NFX1: variants seen among roughly 807,000 people sequenced by gnomAD.
NFX1 encodes nuclear transcription factor, X-box binding 1.
NFX1 carries 69 observed loss-of-function variants against 137.2 expected under a neutral mutation model. The observed-to-expected ratio is 0.50, with a 90% CI of 0.41 to 0.61. The LOEUF (loss-of-function observed/expected upper bound fraction) is 0.61. NFX1 is among the 20% of genes least tolerant of loss of function. The pLI is 0.00. For missense variants in NFX1, 1,167 were observed against 1,391.0 expected (o/e 0.84, Z 2.56); for synonymous variants, 495 against 474.1 (o/e 1.04, Z -0.57).
chr9:33,315,733 A>AG (rs1210344500), intron 7 of NFX1, among the ~76,000 whole-genome samples: 7 of 151,608 alleles, frequency 4.6e-5, no homozygotes, highest in Non-Finnish European at 8.8e-5. Flanking sequence ...ACAACAACAA[A>AG]AAAAAAAAAT....
At chr9:33,340,024 G>C (rs1283448148) in intron 12 of NFX1, among the ~76,000 whole-genome samples, 2 of 152,222 alleles carry the variant, frequency 1.3e-5, no homozygotes, top group Non-Finnish European at 2.9e-5. Context: ...AGTGCAAGCT[G>C]TCAGTGGATC....
At chr9:33,357,460 A>C (rs1047748247) in intron 19 of NFX1, among the ~76,000 whole-genome samples, 2 of 152,124 alleles carry the variant, frequency 1.3e-5, no homozygotes, top group Non-Finnish European at 2.9e-5. Flanking sequence ...CTCAACCATG[A>C]CTTTTCTTCA....
intron 15 of NFX1, chr9:33,348,776 G>A: frequency 1.0e-6 from 1 of 984,996 alleles, no homozygotes; most frequent in Non-Finnish European, 1.2e-6. Context: ...TACTGAGAAA[G>A]AAATACTCTA....
chr9:33,290,645 A>C (rs1821122074), intron 1 of NFX1, 48 bp downstream of exon 1: 2 of 1,583,858 alleles, frequency 1.3e-6, no homozygotes, highest in Non-Finnish European at 1.7e-6. Flanking sequence ...GGGAGCGGAA[A>C]TTGGGTCAGT....
chr9:33,336,628 C>T (rs1587853909), intron 11 of NFX1, among the ~76,000 whole-genome samples: 1 of 152,072 alleles, frequency 6.6e-6, no homozygotes, highest in East Asian at 1.9e-4. Context: ...TTGTTTAAGA[C>T]AGGGTCTCTG....
At chr9:33,343,043 G>A (rs1347636113) in intron 13 of NFX1, among the ~76,000 whole-genome samples, 189 bp downstream of exon 13, 1 of 152,098 alleles carries the variant, frequency 6.6e-6, no homozygotes, top group Non-Finnish European at 1.5e-5. Flanking sequence ...GCAAAACTTG[G>A]GATATGAACA....
chr9:33,362,614 G>A (rs556480704), intron 19 of NFX1, among the ~76,000 whole-genome samples: 1 of 151,814 alleles, frequency 6.6e-6, no homozygotes, highest in South Asian at 2.1e-4. Flanking sequence ...AAGAGGGACA[G>A]GGTGGAAAAG....
intron 7 of NFX1, among the ~76,000 whole-genome samples, chr9:33,316,914 A>C (rs771427965): frequency 1.3e-5 from 2 of 152,166 alleles, no homozygotes; most frequent in African/African-American, 2.4e-5. Flanking sequence ...TCTTTTGCTC[A>C]CAGCTTTCTA....
intron 1 of NFX1, among the ~76,000 whole-genome samples, chr9:33,293,681 G>C (rs1821241032): frequency 1.3e-5 from 2 of 152,184 alleles, no homozygotes; most frequent in Non-Finnish European, 1.5e-5. Context: ...GTGCTTCAGG[G>C]ACTGAATTGA....
intron 1 of NFX1, among the ~76,000 whole-genome samples, chr9:33,293,599 A>T (rs550838978): frequency 6.6e-6 from 1 of 152,352 alleles, no homozygotes; most frequent in African/African-American, 2.4e-5. Context: ...AATTTATAGT[A>T]TATTCTGTAT....
chr9:33,334,330 GC>G (rs950652553), intron 11 of NFX1, among the ~76,000 whole-genome samples: 1 of 152,128 alleles, frequency 6.6e-6, no homozygotes, highest in African/African-American at 2.4e-5. Context: ...AGTGGCATGT[GC>G]CCATAGTCCT....
In NFX1 at chr9:33,369,979, G is replaced by A; in HGVS notation, c.*1G>A. On this transcript the variant is annotated 3_prime_UTR_variant, in exon 24 of 24. Transcript: ENST00000379540. ...TGACTATTTTGACGTCCAGGACTAA[G>A]AAGATCATGATGCACTTAGATAAAA... The A allele has an allele frequency of 1.2e-6, 2 of 1,608,484 alleles. No individual in the cohort carries two copies. Among genetic ancestry groups the A allele is most frequent in the Non-Finnish European group, 1.7e-6 (2 of 1,175,224 alleles).
intron 3 of NFX1, 41 bp from the exon 4 acceptor site, chr9:33,303,150 G>C (rs1214651234): frequency 6.5e-7 from 1 of 1,534,860 alleles, no homozygotes; most frequent in Non-Finnish European, 9.0e-7. Context: ...TGTAGCTTTT[G>C]GAAGAAAATT....
intron 2 of NFX1, among the ~76,000 whole-genome samples, chr9:33,300,017 T>C (rs1383688606): frequency 6.6e-6 from 1 of 151,588 alleles, no homozygotes; most frequent in Non-Finnish European, 1.5e-5. Flanking sequence ...ATGATCTAAC[T>C]ACATGAAGCC....
intron 11 of NFX1, among the ~76,000 whole-genome samples, chr9:33,333,909 C>A (rs1166817829): frequency 6.6e-6 from 1 of 152,206 alleles, no homozygotes; most frequent in African/African-American, 2.4e-5. Context: ...CTTTGGGAGG[C>A]CAAGGTGGGC....
chr9:33,343,002 C>T (rs1020009671), intron 13 of NFX1, 148 bp downstream of exon 13: 1 of 605,640 alleles, frequency 1.7e-6, no homozygotes, highest in Non-Finnish European at 2.8e-6. Context: ...TTTAAAGTTA[C>T]TTCTAATGCT....
chr9:33,301,100 C>T (rs7866990), intron 2 of NFX1, among the ~76,000 whole-genome samples, 163 bp from the exon 3 acceptor site: 8,561 of 152,244 alleles, frequency 0.056, 262 homozygotes, highest in East Asian at 0.095. Flanking sequence ...CCTTTTTGGC[C>T]TCAGTCTGAA....
At position 33,294,845 on chromosome 9, in the gene NFX1, CCTT is replaced by C. The variant is rs1275704768; in HGVS notation, c.454_456del (p.Ser152del). 13 of 1,613,990 alleles carry C rather than the reference CCTT, an allele frequency of 8.1e-6. No individual in the cohort carries two copies. Among genetic ancestry groups the C allele is most frequent in the Non-Finnish European group, 1.1e-5 (13 of 1,180,040 alleles). On this transcript the variant is annotated inframe_deletion, in exon 2 of 24. Transcript: ENST00000379540. ...TGGGACAGACCTCAGAGAGCATAGTCCTTCTGAGAGTGAGAAGGAAGTTGTGGG... is the reference window on the plus strand; with the variant it reads ...TGGGACAGACCTCAGAGAGCATAGTCCTGAGAGTGAGAAGGAAGTTGTGGG...
At chr9:33,358,520 C>T (rs1823886932) in intron 19 of NFX1, among the ~76,000 whole-genome samples, 1 of 151,484 alleles carries the variant, frequency 6.6e-6, no homozygotes. Context: ...AAAAAAAATG[C>T]AAATTACAAG....
Sources: gnomAD v4.1 joint callset for allele counts (sites outside exome capture counted in the v4.1 genomes callset) on GRCh38, gnomAD v4.1.1 for gene constraint, MANE v1.5 for transcripts, NCBI Gene and HGNC (gene_info 2026-07-23, HGNC 2026-07-21) for gene names.